The following SRGAP3 variants were observed in gnomAD, a reference collection of about 807,000 sequenced individuals.
The protein encoded by SRGAP3 is SLIT-ROBO Rho GTPase-activating protein 3.
In SRGAP3, 39 loss-of-function variants were observed where a neutral mutation model predicts 121.1. The observed-to-expected ratio is 0.32, with a 90% CI of 0.25 to 0.42. SRGAP3 has a LOEUF of 0.42. SRGAP3 is among the 10% of genes least tolerant of loss of function. The pLI, the probability that SRGAP3 is intolerant of heterozygous loss-of-function variation, is 1.00. For synonymous variants in SRGAP3, 601 were observed against 570.0 expected (o/e 1.05, Z -0.77); for missense variants, 1,213 against 1,470.6 (o/e 0.82, Z 2.86).
At chr3:9,186,318 C>A (rs950403373) in intron 1 of SRGAP3, among the ~76,000 whole-genome samples, 1 of 152,188 alleles carries the variant, frequency 6.6e-6, no homozygotes, top group South Asian at 2.1e-4. Flanking sequence ...GAGTGTCTCT[C>A]TATTACAATA....
chr3:8,994,627 C>T, intron 18 of SRGAP3, 104 bp from the exon 19 acceptor site: 2 of 1,454,248 alleles, frequency 1.4e-6, no homozygotes, highest in Admixed American at 3.5e-5. Flanking sequence ...ATAGACTGCA[C>T]AGCTGGTGAG....
intron 1 of SRGAP3, among the ~76,000 whole-genome samples, chr3:9,207,069 G>C (rs1952290838): frequency 6.6e-6 from 1 of 152,064 alleles, no homozygotes; most frequent in Non-Finnish European, 1.5e-5. Flanking sequence ...GGGATGGAGG[G>C]GGTTCCTAGG....
chr3:9,271,453 C>G (rs574586507), intron 3 of SRGAP3, among the ~76,000 whole-genome samples: 2 of 152,352 alleles, frequency 1.3e-5, no homozygotes, highest in East Asian at 3.9e-4. Flanking sequence ...CCCAGGACAG[C>G]CTATGTCCGA....
At chr3:9,265,688 G>A (rs1396028613) in intron 3 of SRGAP3, among the ~76,000 whole-genome samples, 4 of 152,134 alleles carry the variant, frequency 2.6e-5, no homozygotes, top group Non-Finnish European at 5.9e-5. Flanking sequence ...TCTCACACCA[G>A]TTAGAATGGG....
At chr3:9,058,853 G>A in intron 6 of SRGAP3, 1 of 248,472 alleles carries the variant, frequency 4.0e-6, no homozygotes, top group Non-Finnish European at 8.0e-6. Flanking sequence ...CCGAGTAGCT[G>A]AGATTACAGG....
At chr3:9,191,917 T>G (rs1409807236) in intron 1 of SRGAP3, among the ~76,000 whole-genome samples, 1 of 152,228 alleles carries the variant, frequency 6.6e-6, no homozygotes, top group African/African-American at 2.4e-5. Context: ...GTTTTTGCCA[T>G]GTGATATGCC....
At chr3:9,246,768 C>T (rs1426891096) in intron 1 of SRGAP3, among the ~76,000 whole-genome samples, 1 of 152,182 alleles carries the variant, frequency 6.6e-6, no homozygotes, top group Admixed American at 6.5e-5. Flanking sequence ...CATATCCTGA[C>T]CTGACCTTGT....
chr3:9,151,309 C>G (rs1950200374), intron 1 of SRGAP3, among the ~76,000 whole-genome samples: 1 of 152,148 alleles, frequency 6.6e-6, no homozygotes, highest in South Asian at 2.1e-4. Flanking sequence ...GAGCCCAGAA[C>G]TTACTGGAGG....
intron 3 of SRGAP3, among the ~76,000 whole-genome samples, chr3:9,263,143 AAAAT>A (rs1375727574): frequency 6.6e-6 from 1 of 152,164 alleles, no homozygotes; most frequent in African/African-American, 2.4e-5. Context: ...AATTAAGGCA[AAAAT>A]AAATAAGTTC....
intron 3 of SRGAP3, among the ~76,000 whole-genome samples, chr3:9,256,141 T>C (rs922347738): frequency 3.3e-5 from 5 of 152,136 alleles, no homozygotes; most frequent in Non-Finnish European, 7.4e-5. Flanking sequence ...GGGAAATCAG[T>C]CTCTCAGCCA....
At chr3:9,195,176 C>T (rs1395039037) in intron 1 of SRGAP3, among the ~76,000 whole-genome samples, 1 of 152,176 alleles carries the variant, frequency 6.6e-6, no homozygotes, top group Non-Finnish European at 1.5e-5. Flanking sequence ...ATCCAATAAC[C>T]AAAAATAACT....
At chr3:8,996,337 C>G (rs1389846968) in intron 18 of SRGAP3, among the ~76,000 whole-genome samples, 1 of 152,166 alleles carries the variant, frequency 6.6e-6, no homozygotes, top group African/African-American at 2.4e-5. Context: ...CCCATCACTC[C>G]CCACCACACA....
intron 1 of SRGAP3, among the ~76,000 whole-genome samples, chr3:9,178,930 C>T (rs1056065606): frequency 2.0e-5 from 3 of 152,244 alleles, no homozygotes; most frequent in African/African-American, 7.2e-5. Context: ...GTTGCCCAAA[C>T]CAACTTCACC....
intron 1 of SRGAP3, among the ~76,000 whole-genome samples, chr3:9,181,894 G>C (rs1165667777): frequency 1.3e-5 from 2 of 152,144 alleles, no homozygotes; most frequent in Non-Finnish European, 2.9e-5. Context: ...TCTTACATGG[G>C]CTGGGGACGG....
At chr3:9,182,015 A>C (rs1951421104) in intron 1 of SRGAP3, among the ~76,000 whole-genome samples, 1 of 152,006 alleles carries the variant, frequency 6.6e-6, no homozygotes, top group Non-Finnish European at 1.5e-5. Context: ...TCTCTACTAA[A>C]AATAGAAAAA....
At chr3:9,037,557 C>A (rs144180076) in intron 11 of SRGAP3, 2 of 162,888 alleles carry the variant, frequency 1.2e-5, no homozygotes, top group Admixed American at 5.9e-5. Flanking sequence ...AGGGTGTGGA[C>A]GGCAGGAGAG....
In SRGAP3 at chr3:9,124,889, G is replaced by C. The variant is rs778613060; in HGVS notation, c.96C>G (p.Phe32Leu). 6.2e-6 allele frequency: 10 copies of C among 1,614,060 alleles called. No homozygotes were observed. In the East Asian group the frequency reaches 2.2e-4, roughly 36 times the overall value. Residue 32 changes from phenylalanine (F) to leucine (L), a missense_variant, in exon 2 of 22, where the codon TTC becomes TTG. Coordinates refer to ENST00000383836, the MANE Select transcript of SRGAP3 (RefSeq NM_014850.4). ...KEIRTQLVEQ[F>L]KCLEQQSESR... ...ACTCTGATTGCTGCTCCAGACATTTGAACTGCTCCACCAGCTGCGTGCGGA... is the reference window on the plus strand; with the variant it reads ...ACTCTGATTGCTGCTCCAGACATTTCAACTGCTCCACCAGCTGCGTGCGGA...
intron 3 of SRGAP3, among the ~76,000 whole-genome samples, chr3:9,276,571 A>G (rs1954582504): frequency 6.6e-6 from 1 of 152,006 alleles, no homozygotes. Context: ...GATTATAGGC[A>G]CACACCACCA....
At chr3:9,121,036 C>A (rs1025531159) in intron 2 of SRGAP3, among the ~76,000 whole-genome samples, 1 of 152,178 alleles carries the variant, frequency 6.6e-6, no homozygotes, top group Non-Finnish European at 1.5e-5. Flanking sequence ...GGAACTGAGT[C>A]TCCATCCCAG....
Sources: gnomAD v4.1 joint callset for allele counts (sites outside exome capture counted in the v4.1 genomes callset) on GRCh38, gnomAD v4.1.1 for gene constraint, MANE v1.5 for transcripts, NCBI Gene and HGNC (gene_info 2026-07-23, HGNC 2026-07-21) for gene names.